Variants in ZNF484 observed in about 807,000 individuals in gnomAD.
The protein encoded by ZNF484 is KRAB box containing C2H2 type zinc finger bA526D8.4.
In ZNF484, 11 loss-of-function variants were observed where a neutral mutation model predicts 12.9. The ratio of observed to expected loss-of-function variants is 0.85; its 90% CI spans 0.54 to 1.41. The LOEUF (loss-of-function observed/expected upper bound fraction) is 1.41, where lower values mean the gene tolerates loss of function less well. Ranked by LOEUF, ZNF484 falls within the 40% of genes most tolerant of loss-of-function variation. ZNF484 has a pLI of 0.00. For missense variants in ZNF484, 807 were observed against 1,007.7 expected, an observed-to-expected ratio of 0.80 and a Z score of 2.70; for synonymous variants, 289 against 334.1, an observed-to-expected ratio of 0.86 and a Z score of 1.47.
chr9:92,871,798 A>G (rs564964127), intron 2 of ZNF484, among the ~76,000 whole-genome samples: 3 of 152,384 alleles, frequency 2.0e-5, no homozygotes, highest in Admixed American at 6.5e-5. Context: ...AATTGTGAAT[A>G]TGTTAGGTTG....
chr9:92,870,956 C>G (rs1857393966), intron 2 of ZNF484, among the ~76,000 whole-genome samples: 1 of 152,198 alleles, frequency 6.6e-6, no homozygotes, highest in Admixed American at 6.5e-5. Context: ...AATTCCCACA[C>G]TGGCCCAGAG....
chr9:92,847,739 G>T lies in ZNF484; in HGVS notation c.1048C>A (p.His350Asn). 1.9e-6 allele frequency: 3 copies of T among 1,613,762 alleles called. No individual in the cohort carries two copies. Residue 350 changes from histidine (H) to asparagine (N), a missense_variant, in exon 5 of 5, where the codon CAT becomes AAT. Coordinates refer to ENST00000375495, the MANE Select transcript of ZNF484 (RefSeq NM_031486.4). ...KSDLFRCQRI[H>N]SGEKPYEYSE... ...TACTCATAAGGTTTTTCTCCAGAAT[G>T]AATTCTCTGGCATCTGAACAGATCT...
intron 3 of ZNF484, 108 bp from the exon 4 acceptor site, chr9:92,856,011 C>A (rs1445458690): frequency 1.4e-6 from 2 of 1,405,364 alleles, no homozygotes; most frequent in Middle Eastern, 3.7e-4. Context: ...TCACACTACC[C>A]GAAAGAGATT....
intron 2 of ZNF484, among the ~76,000 whole-genome samples, chr9:92,874,456 C>T (rs1291561580): frequency 3.3e-5 from 5 of 151,996 alleles, no homozygotes; most frequent in African/African-American, 4.8e-5. Flanking sequence ...GGATTACAGG[C>T]GCCCGCCACC....
chr9:92,871,469 T>G (rs1047209575), intron 2 of ZNF484, among the ~76,000 whole-genome samples: 1 of 151,982 alleles, frequency 6.6e-6, no homozygotes, highest in Non-Finnish European at 1.5e-5. Context: ...TCATTGGAGT[T>G]CCAGAAAGAG....
chr9:92,870,461 C>T (rs1271885717), intron 2 of ZNF484, among the ~76,000 whole-genome samples: 1 of 152,214 alleles, frequency 6.6e-6, no homozygotes, highest in Admixed American at 6.5e-5. Flanking sequence ...GTAGCCTAGA[C>T]TCCTGTATTT....
intron 2 of ZNF484, among the ~76,000 whole-genome samples, chr9:92,871,306 CAA>C (rs1157735338): frequency 6.6e-6 from 1 of 151,580 alleles, no homozygotes; most frequent in Non-Finnish European, 1.5e-5. Flanking sequence ...TAGATGGGCT[CAA>C]AAGAATGGAG....
chr9:92,869,460 G>A (rs1393477183), intron 2 of ZNF484, among the ~76,000 whole-genome samples: 2 of 152,152 alleles, frequency 1.3e-5, no homozygotes, highest in African/African-American at 4.8e-5. Context: ...AGTGGCTCAC[G>A]CCTATAATTC....
chr9:92,867,329 A>G (rs1334743743), intron 2 of ZNF484, among the ~76,000 whole-genome samples: 2 of 152,122 alleles, frequency 1.3e-5, no homozygotes, highest in African/African-American at 4.8e-5. Context: ...AAATTTAAAG[A>G]AAATTAGCCA....
chr9:92,877,958 C>CCAGA lies in ZNF484; in HGVS notation c.-103_-100dup, dbSNP rs1372682215. 1.6e-4 allele frequency: 208 copies of CCAGA among 1,305,414 alleles called. No homozygotes were observed. Among genetic ancestry groups the CCAGA allele is most frequent in the Non-Finnish European group, 2.0e-4 (191 of 942,744 alleles). The allele number at this position is 1,305,414 out of a possible 1,614,324, so 80.9% of individuals were successfully genotyped here. On this transcript the variant is annotated 5_prime_UTR_variant, in exon 1 of 5. Coordinates refer to ENST00000375495, the MANE Select transcript of ZNF484 (RefSeq NM_031486.4). ...CGGGAGGTGACTATAGTCGCAAGAA[C>CCAGA]CAGAACAGGACCCACTTCCTTTTTC...
intron 2 of ZNF484, among the ~76,000 whole-genome samples, chr9:92,860,684 C>T (rs1856737260): frequency 6.6e-6 from 1 of 151,856 alleles, no homozygotes; most frequent in South Asian, 2.1e-4. Flanking sequence ...AAGATGCATC[C>T]TTTGCCTTCT....
At chr9:92,870,332 G>T (rs953761615) in intron 2 of ZNF484, among the ~76,000 whole-genome samples, 1 of 152,146 alleles carries the variant, frequency 6.6e-6, no homozygotes, top group Non-Finnish European at 1.5e-5. Flanking sequence ...ACCAGGAAAG[G>T]GGCAACAGAG....
chr9:92,846,496 T>C lies in ZNF484; in HGVS notation c.2291A>G (p.His764Arg), dbSNP rs139707697. 133 of 1,614,016 alleles carry C rather than the reference T, an allele frequency of 8.2e-5. No homozygotes were observed. Among genetic ancestry groups the C allele is most frequent in the Middle Eastern group, 1.7e-4 (1 of 6,058 alleles). Residue 764 changes from histidine (H) to arginine (R), a missense_variant, in exon 5 of 5, where the codon CAT (histidine) becomes CGT (arginine). Coordinates refer to ENST00000375495, the MANE Select transcript of ZNF484 (RefSeq NM_031486.4). Reference protein sequence around the residue: ...GKSFIKKSQLHEHHRIHTGEK... With the variant: ...GKSFIKKSQLREHHRIHTGEK... ...TCCTGTGTGAATTCGATGATGCTCA[T>C]GGAGTTGTGATTTCTTAATGAAAGA...
chr9:92,868,825 T>TC (rs1857261963), intron 2 of ZNF484, among the ~76,000 whole-genome samples: 1 of 152,038 alleles, frequency 6.6e-6, no homozygotes, highest in African/African-American at 2.4e-5. Context: ...CCCAAACACT[T>TC]CCCATTATGC....
intron 2 of ZNF484, among the ~76,000 whole-genome samples, chr9:92,872,231 CAAAA>C (rs59372760): frequency 6.6e-5 from 3 of 45,592 alleles, no homozygotes; most frequent in East Asian, 6.7e-4. Flanking sequence ...ATCTCTGCCT[CAAAA>C]AAAAAAAAAA....
Position 92,846,953 on chromosome 9 carries a change from T to G in ZNF484, c.1834A>C (p.Ile612Leu). ...HTGEKPYECSICGKSFTKKSQ... is the reference protein window; with the variant it reads ...HTGEKPYECSLCGKSFTKKSQ... ...TTCTTAGTGAAGGATTTCCCACAAA[T>G]ACTGCATTCATAGGGTTTCTCTCCA... Residue 612 changes from isoleucine (I) to leucine (L), a missense_variant, in exon 5 of 5, where the codon ATT becomes CTT. Physicochemically the swap from Ile to Leu is conservative, Grantham distance 5. Transcript: ENST00000375495. The G allele has an allele frequency of 6.2e-7, 1 of 1,612,866 alleles. No homozygotes were observed.
intron 4 of ZNF484, among the ~76,000 whole-genome samples, chr9:92,853,870 T>C (rs1023201307): frequency 2.6e-5 from 4 of 152,132 alleles, no homozygotes; most frequent in African/African-American, 7.2e-5. Flanking sequence ...AGAGTGACGA[T>C]GAGACACACA....
chr9:92,875,793 A>G (rs916610989), intron 1 of ZNF484, among the ~76,000 whole-genome samples: 2 of 152,218 alleles, frequency 1.3e-5, no homozygotes, highest in African/African-American at 4.8e-5. Context: ...AACTCAATCA[A>G]TGAACAAATC....
At chr9:92,863,840 G>A (rs1225559309) in intron 2 of ZNF484, among the ~76,000 whole-genome samples, 1 of 152,172 alleles carries the variant, frequency 6.6e-6, no homozygotes, top group African/African-American at 2.4e-5. Context: ...AGATTTGGGA[G>A]TCACCAGTAG....
Sources: gnomAD v4.1 joint callset for allele counts (sites outside exome capture counted in the v4.1 genomes callset) on GRCh38, gnomAD v4.1.1 for gene constraint, MANE v1.5 for transcripts, NCBI Gene and HGNC (gene_info 2026-07-23, HGNC 2026-07-21) for gene names.